DSCAM: variants seen among roughly 807,000 people sequenced by gnomAD.
DSCAM encodes the protein cell adhesion molecule DSCAM.
A neutral mutation model predicts 217.7 loss-of-function variants in DSCAM; 47 were observed. That is an observed-to-expected ratio of 0.22 (90% CI 0.17 to 0.28). The LOEUF (loss-of-function observed/expected upper bound fraction) is 0.28. Ranked by LOEUF, DSCAM falls within the 10% of genes least tolerant of loss-of-function variation. The pLI is 1.00. For missense variants in DSCAM, 2,080 were observed against 2,618.3 expected (o/e 0.79, Z 4.49); for synonymous variants, 1,056 against 1,015.3 (o/e 1.04, Z -0.76).
At chr21:40,474,294 A>G (rs2075914604) in intron 3 of DSCAM, among the ~76,000 whole-genome samples, 1 of 147,808 alleles carries the variant, frequency 6.8e-6, no homozygotes, top group African/African-American at 2.5e-5. Flanking sequence ...CTCCGTCTTC[A>G]AAAATATATA....
intron 3 of DSCAM, among the ~76,000 whole-genome samples, chr21:40,411,916 C>T (rs1405588040): frequency 2.0e-5 from 3 of 152,156 alleles, no homozygotes; most frequent in African/African-American, 7.2e-5. Context: ...TCCCATAATT[C>T]CCATGTGTTG....
intron 3 of DSCAM, among the ~76,000 whole-genome samples, chr21:40,525,159 C>T (rs923155648): frequency 7.2e-5 from 11 of 152,124 alleles, no homozygotes; most frequent in Non-Finnish European, 1.5e-4. Flanking sequence ...GTTCATACTA[C>T]TTGTGTTTTT....
intron 3 of DSCAM, among the ~76,000 whole-genome samples, chr21:40,412,161 A>G (rs1440262249): frequency 6.6e-6 from 1 of 152,224 alleles, no homozygotes; most frequent in Non-Finnish European, 1.5e-5. Flanking sequence ...AGGTCCAGTT[A>G]AACCTCTTGC....
intron 3 of DSCAM, among the ~76,000 whole-genome samples, chr21:40,422,237 CCA>C (rs1268646950): frequency 1.3e-5 from 2 of 152,198 alleles, no homozygotes; most frequent in Non-Finnish European, 2.9e-5. Context: ...TAATTTATTT[CCA>C]GTCTTGGCCT....
At chr21:40,403,952 C>T (rs2075260269) in intron 3 of DSCAM, among the ~76,000 whole-genome samples, 1 of 152,152 alleles carries the variant, frequency 6.6e-6, no homozygotes, top group Non-Finnish European at 1.5e-5. Flanking sequence ...ATCATGATCA[C>T]CATCATGGCT....
chr21:40,381,419 G>A (rs558717881), intron 3 of DSCAM, among the ~76,000 whole-genome samples: 1 of 152,330 alleles, frequency 6.6e-6, no homozygotes, highest in South Asian at 2.1e-4. Flanking sequence ...GGGGCTGGAA[G>A]GGAATGTGTA....
intron 1 of DSCAM, among the ~76,000 whole-genome samples, chr21:40,811,893 T>C (rs545027137): frequency 1.7e-4 from 26 of 152,332 alleles, no homozygotes; most frequent in African/African-American, 6.3e-4. Context: ...GTTCCGGCCT[T>C]TCTCACTTCT....
chr21:40,508,591 T>C (rs1250256660), intron 3 of DSCAM, among the ~76,000 whole-genome samples: 6 of 151,186 alleles, frequency 4.0e-5, no homozygotes, highest in East Asian at 3.9e-4. Context: ...TATTTAAAGA[T>C]AGAGTCTTGC....
At chr21:40,216,326 C>T (rs1394451990) in intron 11 of DSCAM, among the ~76,000 whole-genome samples, 1 of 151,766 alleles carries the variant, frequency 6.6e-6, no homozygotes, top group East Asian at 1.9e-4. Context: ...GTTGCCCAGG[C>T]TGGTCTTTAA....
Position 40,093,734 on chromosome 21 carries a change from C to A in DSCAM, c.3837G>T (p.Glu1279Asp). Residue 1279 changes from glutamate (E) to aspartate (D), a missense_variant, in exon 21 of 33, where the codon GAG becomes GAT. By Grantham distance (45) the Glu-to-Asp change is conservative. Around this residue, in one of 5 missense-constraint regions of DSCAM, gnomAD observed 1,144 missense variants for 1,421.1 expected, o/e 0.81. Transcript: ENST00000400454. ...RGNSSEIITV[E>D]PLAKAPARIL... is the part of the protein sequence containing the mutation. ...GCCACTGCCTACCTTTTGCTAGTGGCTCGACTGTGATGATTTCACTGCTGT... is the reference window on the plus strand; with the variant it reads ...GCCACTGCCTACCTTTTGCTAGTGGATCGACTGTGATGATTTCACTGCTGT... The A allele has an allele frequency of 6.2e-7, 1 of 1,613,754 alleles. No homozygotes were observed. Among genetic ancestry groups the A allele is most frequent in the Non-Finnish European group, 8.5e-7 (1 of 1,179,888 alleles).
At chr21:40,507,839 G>A (rs2076221934) in intron 3 of DSCAM, among the ~76,000 whole-genome samples, 1 of 152,048 alleles carries the variant, frequency 6.6e-6, no homozygotes, top group South Asian at 2.1e-4. Flanking sequence ...GAGACTGTTG[G>A]AGCTGCCCTC....
At chr21:40,202,440 C>A (rs551558965) in intron 11 of DSCAM, among the ~76,000 whole-genome samples, 28 of 152,366 alleles carry the variant, frequency 1.8e-4, no homozygotes, top group African/African-American at 6.7e-4. Context: ...GCACAGCACA[C>A]TGCCTGTGGC....
chr21:40,514,048 T>C (rs529125843), intron 3 of DSCAM, among the ~76,000 whole-genome samples: 10 of 152,210 alleles, frequency 6.6e-5, no homozygotes, highest in Non-Finnish European at 1.5e-5. Context: ...CCAAGGCCAT[T>C]TGTGTGATCA....
intron 3 of DSCAM, among the ~76,000 whole-genome samples, chr21:40,662,246 T>C (rs1188501411): frequency 1.5e-5 from 2 of 129,984 alleles, no homozygotes; most frequent in Non-Finnish European, 3.7e-5. Flanking sequence ...TTGAAAGGTC[T>C]AATCCTGGCT....
intron 24 of DSCAM, 92 bp from the exon 25 acceptor site, chr21:40,080,432 A>C (rs1221581244): frequency 8.9e-7 from 1 of 1,124,310 alleles, no homozygotes; most frequent in Non-Finnish European, 1.2e-6. Flanking sequence ...TAATAGAACG[A>C]GCATTCTCAG....
chr21:40,451,893 T>C (rs1227174432), intron 3 of DSCAM, among the ~76,000 whole-genome samples: 4 of 152,048 alleles, frequency 2.6e-5, no homozygotes, highest in African/African-American at 9.7e-5. Context: ...TTCAAAAAAA[T>C]TGCAACCTCC....
At chr21:40,405,121 C>T (rs1253882604) in intron 3 of DSCAM, among the ~76,000 whole-genome samples, 1 of 152,118 alleles carries the variant, frequency 6.6e-6, no homozygotes, top group Non-Finnish European at 1.5e-5. Context: ...CCCCCAGGAA[C>T]TGAGAATCTA....
chr21:40,146,087 G>C (rs147197503), intron 16 of DSCAM, among the ~76,000 whole-genome samples: 7 of 152,090 alleles, frequency 4.6e-5, no homozygotes, highest in Admixed American at 2.6e-4. Flanking sequence ...AGCTTTCTCC[G>C]TCCTGAAAGT....
At chr21:40,166,266 C>T (rs1343951941) in intron 16 of DSCAM, among the ~76,000 whole-genome samples, 20 of 151,662 alleles carry the variant, frequency 1.3e-4, no homozygotes, top group Admixed American at 5.9e-4. Context: ...CTCCCAGTGA[C>T]GCCACAGAAA....
Sources: gnomAD v4.1 joint callset for allele counts (sites outside exome capture counted in the v4.1 genomes callset) on GRCh38, gnomAD v4.1.1 for gene constraint, gnomAD v4.1.1 regional missense constraint, MANE v1.5 for transcripts, NCBI Gene and HGNC (gene_info 2026-07-23, HGNC 2026-07-21) for gene names.